SPTBN5: variants seen among roughly 807,000 people sequenced by gnomAD.
SPTBN5 encodes spectrin beta chain, non-erythrocytic 5.
A neutral mutation model predicts 477.6 loss-of-function variants in SPTBN5; 513 were observed. The ratio of observed to expected loss-of-function variants is 1.07; its 90% CI spans 1.00 to 1.16. SPTBN5 has a LOEUF of 1.16. Ranked by LOEUF, SPTBN5 falls within the 50% of genes most tolerant of loss-of-function variation. SPTBN5 has a pLI of 0.00. For missense variants in SPTBN5, 5,062 were observed against 4,731.8 expected (o/e 1.07, Z -2.05); for synonymous variants, 2,169 against 2,011.7 (o/e 1.08, Z -2.09).
rs767673954 is a variant in SPTBN5, at chr15:41,850,849, C to A, written c.10921+5G>T. 2 of 1,590,124 alleles carry A rather than the reference C, an allele frequency of 1.3e-6. No individual in the cohort carries two copies. Among genetic ancestry groups the A allele is most frequent in the Non-Finnish European group, 1.7e-6 (2 of 1,169,306 alleles). On this transcript the variant is annotated splice_donor_5th_base_variant and intron_variant, in intron 66 of 67. Coordinates refer to ENST00000320955, the MANE Select transcript of SPTBN5 (RefSeq NM_016642.4). ...CCCTCCCCGCATCCTTCCCCTGAAG[C>A]CCACCTGCAGTGCTGCCCAGGGCTC...
At position 41,853,114 on chromosome 15, in the gene SPTBN5, G is replaced by C. The variant is rs112342982; in HGVS notation, c.10171-114C>G. On this transcript the variant is annotated intron_variant, in intron 59 of 67. Transcript: ENST00000320955. ...GTGCAGAGGGAAGGCTGTGAGACCC[G>C]CACCTGCCCCTTCCCAGCCTCTCTC... 16 of 1,426,854 alleles carry C rather than the reference G, an allele frequency of 1.1e-5. No homozygotes were observed. In the African/African-American group the frequency reaches 2.3e-4, roughly 20 times the overall value. 88.4% of individuals were successfully genotyped at this position (1,426,854 alleles called of 1,614,324 possible). A position where few individuals can be genotyped will look rare whatever the true frequency, so the allele number is the denominator to read the frequency against.
intron 66 of SPTBN5, 125 bp from the exon 67 acceptor site, chr15:41,850,084 C>A: frequency 2.5e-6 from 2 of 810,064 alleles, no homozygotes; most frequent in East Asian, 2.7e-5. Context: ...CTATGCCAGG[C>A]CCTTCCCACG....
chr15:41,858,471 C>G, intron 49 of SPTBN5, 131 bp downstream of exon 49: 5 of 1,191,004 alleles, frequency 4.2e-6, no homozygotes, highest in Non-Finnish European at 5.7e-6. Flanking sequence ...ACCGCTTAGC[C>G]AGGTGCCTGC....
chr15:41,888,355 G>A (rs1284734013), intron 4 of SPTBN5, among the ~76,000 whole-genome samples: 2 of 152,276 alleles, frequency 1.3e-5, no homozygotes, highest in African/African-American at 2.4e-5. Context: ...GTCACCACAG[G>A]TGATCACACA....
At position 41,857,513 on chromosome 15, in the gene SPTBN5, T is replaced by C. The variant is rs754530321; in HGVS notation, c.8365-19A>G. On this transcript the variant is annotated intron_variant, in intron 50 of 67. Coordinates refer to ENST00000320955, the MANE Select transcript of SPTBN5 (RefSeq NM_016642.4). ...GCAGGGCCTAGGGTAGAAAGTGAGG[T>C]AGGCAGGAGGGGAGTGTCCTGGAGC... 1 of 1,602,646 alleles carries C rather than the reference T, an allele frequency of 6.2e-7. No homozygotes were observed. Among genetic ancestry groups the C allele is most frequent in the Non-Finnish European group, 8.5e-7 (1 of 1,171,842 alleles).
chr15:41,866,294 C>A, intron 37 of SPTBN5, 50 bp downstream of exon 37: 1 of 1,571,700 alleles, frequency 6.4e-7, no homozygotes, highest in Non-Finnish European at 8.6e-7. Context: ...CTGACATTGC[C>A]CCTGGGCCAC....
At chr15:41,855,916 C>T (rs767408119) in intron 53 of SPTBN5, among the ~76,000 whole-genome samples, 171 bp from the exon 54 acceptor site, 8 of 152,340 alleles carry the variant, frequency 5.3e-5, no homozygotes, top group Middle Eastern at 3.4e-3. Flanking sequence ...ACAGCCAGAG[C>T]GGCAGTGTTT....
Position 41,871,860 on chromosome 15 carries a change from G to A in SPTBN5, c.5223C>T (p.Asp1741=). Residue 1741 remains aspartate (D), a synonymous_variant, in exon 28 of 68, where the codon GAC becomes GAT. Coordinates refer to ENST00000320955, the MANE Select transcript of SPTBN5 (RefSeq NM_016642.4). The part of the protein sequence containing the change: ...RLHEFLREAE[D]LQGWLASQKQ... ...TCTGGCTTGCCAGCCAGCCCTGCAG[G>A]TCCTCAGCCTCCCTCAGGAACTCAT... 6.3e-7 allele frequency: 1 copy of A among 1,587,386 alleles called. No individual in the cohort carries two copies. Among genetic ancestry groups the A allele is most frequent in the South Asian group, 1.2e-5 (1 of 86,692 alleles).
In SPTBN5 at chr15:41,862,148, T is replaced by C. The variant is rs772651398; in HGVS notation, c.7530A>G (p.Glu2510=). 4.4e-6 allele frequency: 7 copies of C among 1,591,494 alleles called. No homozygotes were observed. The East Asian group carries it at 1.6e-4, about 36-fold the overall frequency. ...CATTCACCTTGCACTCCTGATGCTCTTCTAACATACGCCGGGCTTCCACAG... is the reference window on the plus strand; with the variant it reads ...CATTCACCTTGCACTCCTGATGCTCCTCTAACATACGCCGGGCTTCCACAG... ...RSPVEARRML[E]EHQECKAELD... The change falls in exon 44 of 68, where the codon GAA becomes GAG. Residue 2510 remains glutamate, a synonymous_variant. Transcript: ENST00000320955.
At chr15:41,878,704 A>C in intron 16 of SPTBN5, 75 bp from the exon 17 acceptor site, 1 of 1,463,806 alleles carries the variant, frequency 6.8e-7, no homozygotes, top group Non-Finnish European at 9.2e-7. Context: ...CCTCTCTCCA[A>C]ACCTGCATCC....
chr15:41,851,590 T>C (rs199704198), intron 63 of SPTBN5, among the ~76,000 whole-genome samples, 189 bp downstream of exon 63: 3 of 48,778 alleles, frequency 6.2e-5, no homozygotes, highest in Non-Finnish European at 1.2e-4. Flanking sequence ...CTGGTGGGGG[T>C]GGGTAGGTGG....
At chr15:41,883,813 A>G (rs1383417198) in intron 7 of SPTBN5, among the ~76,000 whole-genome samples, 2 of 151,284 alleles carry the variant, frequency 1.3e-5, no homozygotes, top group African/African-American at 2.4e-5. Context: ...TTCTTTTGAG[A>G]CAGAATCTGC....
In SPTBN5 at chr15:41,848,571, T is replaced by C. The variant is rs1437263527; in HGVS notation, c.*45A>G. ...GTCTTATTCTGGTCCCTTAGATGTG[T>C]CCTCGCTTGTGCCCCTGAAGTTTGG... On this transcript the variant is annotated 3_prime_UTR_variant, in exon 68 of 68. Transcript: ENST00000320955. 1.9e-6 allele frequency: 3 copies of C among 1,612,878 alleles called. No individual in the cohort carries two copies. In the East Asian group the frequency reaches 6.7e-5, roughly 36 times the overall value.
chr15:41,870,562 T>G lies in SPTBN5; in HGVS notation c.5448-2A>C. The G allele has an allele frequency of 6.2e-7, 1 of 1,605,222 alleles. No homozygotes were observed. Among genetic ancestry groups the G allele is most frequent in the Non-Finnish European group, 8.5e-7 (1 of 1,179,108 alleles). ...TCCCACAGCTCCGACCAGGCGGTCCTGCCCACGGCGTGTGGAAGACCAGCC... is the reference window on the plus strand; with the variant it reads ...TCCCACAGCTCCGACCAGGCGGTCCGGCCCACGGCGTGTGGAAGACCAGCC... On this transcript the variant is annotated splice_acceptor_variant, in intron 29 of 67. Coordinates refer to ENST00000320955, the MANE Select transcript of SPTBN5 (RefSeq NM_016642.4). LOFTEE classifies it high-confidence loss of function.
At chr15:41,881,004 C>A in intron 13 of SPTBN5, 30 bp downstream of exon 13, 1 of 1,543,224 alleles carries the variant, frequency 6.5e-7, no homozygotes, top group East Asian at 2.4e-5. Flanking sequence ...AGAGTAAGGA[C>A]TCGAGCATTT....
intron 66 of SPTBN5, 70 bp from the exon 67 acceptor site, chr15:41,850,029 C>T: frequency 7.9e-7 from 1 of 1,267,484 alleles, no homozygotes; most frequent in Non-Finnish European, 1.1e-6. Flanking sequence ...CTGGCTGCTC[C>T]TTCCTCCAGC....
chr15:41,874,775 C>T, intron 23 of SPTBN5, 67 bp downstream of exon 23: 1 of 1,490,992 alleles, frequency 6.7e-7, no homozygotes, highest in Non-Finnish European at 9.1e-7. Flanking sequence ...CCTGTGGGTG[C>T]CATCTTGTGG....
Position 41,890,193 on chromosome 15 carries a change from G to A in SPTBN5, c.397C>T (p.Leu133Phe), listed in dbSNP as rs1273818970. 4.8e-5 allele frequency: 77 copies of A among 1,611,236 alleles called. No individual in the cohort carries two copies. The highest frequency in any genetic ancestry group is 6.4e-5 in the Non-Finnish European group (76 of 1,178,562). ...TCCACGATGTTCTCTGGCCCGATGAGTGGTACTGGCACCTGTGGGCACAGT... is the reference window on the plus strand; with the variant it reads ...TCCACGATGTTCTCTGGCCCGATGAATGGTACTGGCACCTGTGGGCACAGT... ...AFLRAKVPVP[L>F]IGPENIVDGD... The change falls in exon 4 of 68, where the codon CTC (leucine) becomes TTC (phenylalanine). Residue 133 changes from leucine to phenylalanine, a missense_variant. Physicochemically the swap from Leu to Phe is conservative, Grantham distance 22. Coordinates refer to ENST00000320955, the MANE Select transcript of SPTBN5 (RefSeq NM_016642.4).
chr15:41,877,064 C>A, intron 18 of SPTBN5, 52 bp downstream of exon 18: 1 of 1,607,624 alleles, frequency 6.2e-7, no homozygotes, highest in Non-Finnish European at 8.5e-7. Context: ...AGGGGATGAG[C>A]TCCCTCCAGT....
Sources: gnomAD v4.1 joint callset for allele counts (sites outside exome capture counted in the v4.1 genomes callset) on GRCh38, gnomAD v4.1.1 for gene constraint, MANE v1.5 for transcripts, NCBI Gene and HGNC (gene_info 2026-07-23, HGNC 2026-07-21) for gene names.